Variants in STRBP observed in about 807,000 individuals in gnomAD.
STRBP encodes the protein spermatid perinuclear RNA-binding protein.
A neutral mutation model predicts 80.1 loss-of-function variants in STRBP; 13 were observed. The ratio of observed to expected loss-of-function variants is 0.16; its 90% CI spans 0.11 to 0.26. The LOEUF (loss-of-function observed/expected upper bound fraction) is 0.26, where lower values mean the gene tolerates loss of function less well. Among genes scored for constraint, STRBP ranks in the 10% least tolerant of loss-of-function variants. STRBP has a pLI of 1.00. For missense variants in STRBP, 485 were observed against 815.2 expected (o/e 0.59, Z 4.93); for synonymous variants, 284 against 291.2 (o/e 0.98, Z 0.25).
Position 123,158,436 on chromosome 9 carries a change from C to T in STRBP, c.836-7G>A, listed in dbSNP as rs1164907718. On this transcript the variant is annotated splice_region_variant and splice_polypyrimidine_tract_variant and intron_variant, in intron 9 of 18. Transcript: ENST00000348403. ...TCATGAAGACCAGGACCCCCTTTGG[C>T]AAAGGAAAAACACAAGTATCATTTA... 3 of 1,611,418 alleles carry T rather than the reference C, an allele frequency of 1.9e-6. No individual in the cohort carries two copies. Among genetic ancestry groups the T allele is most frequent in the African/African-American group, 2.7e-5 (2 of 74,490 alleles).
chr9:123,240,663 G>C (rs541127342), intron 1 of STRBP, among the ~76,000 whole-genome samples: 2 of 152,160 alleles, frequency 1.3e-5, no homozygotes, highest in Non-Finnish European at 2.9e-5. Context: ...CCTAGGCTTT[G>C]TTGGCTCTGC....
intron 6 of STRBP, among the ~76,000 whole-genome samples, chr9:123,168,949 A>G (rs567229821): frequency 6.6e-6 from 1 of 152,326 alleles, no homozygotes; most frequent in Non-Finnish European, 1.5e-5. Context: ...TTAACTTCAG[A>G]AGAAAGTTAG....
chr9:123,150,267 T>C (rs1290377721), intron 11 of STRBP, among the ~76,000 whole-genome samples: 2 of 152,140 alleles, frequency 1.3e-5, no homozygotes, highest in Non-Finnish European at 2.9e-5. Context: ...GTGCCATTAA[T>C]TGACAAAATA....
chr9:123,119,060 C>T (rs997705109), downstream of STRBP, among the ~76,000 whole-genome samples: 3 of 152,182 alleles, frequency 2.0e-5, no homozygotes, highest in Non-Finnish European at 4.4e-5. Context: ...AGGGAGGCCT[C>T]ATATGGTGTT....
At chr9:123,128,109 A>C (rs2035968254) in intron 18 of STRBP, 105 bp downstream of exon 18, 1 of 1,394,186 alleles carries the variant, frequency 7.2e-7, no homozygotes, top group Non-Finnish European at 1.0e-6. Context: ...AGAATGAATA[A>C]ATCTGAGATC....
At chr9:123,154,194 A>ACCTAAACGT (rs2132376523) in intron 11 of STRBP, among the ~76,000 whole-genome samples, 1 of 152,302 alleles carries the variant, frequency 6.6e-6, no homozygotes, top group African/African-American at 2.4e-5. Flanking sequence ...AAACTAAAGA[A>ACCTAAACGT]CCTAAACGTC....
At position 123,228,135 on chromosome 9, in the gene STRBP, G is replaced by A. The variant is rs374829359; in HGVS notation, c.-165+8695C>T. Among the ~76,000 whole-genome samples, 12 of 152,314 alleles carry A rather than the reference G, an allele frequency of 7.9e-5. No individual in the cohort carries two copies. In the East Asian group the frequency reaches 1.7e-3, roughly 22 times the overall value. ...TCCATCGGTTTTGGCCTAAACAACC[G>A]GAGGATGGCATTGCCTTGATCAGAG... On this transcript the variant is annotated intron_variant, in intron 2 of 18. Transcript: ENST00000348403.
chr9:123,248,557 A>G (rs965675919), intron 1 of STRBP, among the ~76,000 whole-genome samples: 2 of 152,144 alleles, frequency 1.3e-5, no homozygotes, highest in African/African-American at 4.8e-5. Context: ...GGCATGAGCC[A>G]CCGCGCCCAG....
chr9:123,217,984 G>A (rs1027858924), intron 2 of STRBP, among the ~76,000 whole-genome samples: 2 of 152,084 alleles, frequency 1.3e-5, no homozygotes, highest in African/African-American at 4.8e-5. Flanking sequence ...TATAGTTACG[G>A]TGGAAGCTTA....
intron 3 of STRBP, among the ~76,000 whole-genome samples, chr9:123,182,379 T>C (rs2132461467): frequency 6.6e-6 from 1 of 152,130 alleles, no homozygotes; most frequent in African/African-American, 2.4e-5. Flanking sequence ...ACAAAATTTA[T>C]ACACCAGAAA....
intron 1 of STRBP, among the ~76,000 whole-genome samples, chr9:123,264,157 G>A (rs532419891): frequency 2.0e-3 from 306 of 152,320 alleles, no homozygotes; most frequent in African/African-American, 6.6e-3. Context: ...CCAGCCTGGC[G>A]ACAGAGCGCC....
At chr9:123,172,198 T>C (rs2038041681) in intron 5 of STRBP, among the ~76,000 whole-genome samples, 2 of 152,156 alleles carry the variant, frequency 1.3e-5, no homozygotes, top group South Asian at 2.1e-4. Flanking sequence ...ACAAGATTCA[T>C]GAAAGGAACA....
rs1335657781 is a variant in STRBP at position 123,124,006 on chromosome 9, A to T, written c.*1591T>A. Reference sequence around the variant, plus strand: ...AGGTTTTATTAAAGTATCACCCACCACTAATAAAGACAAAAGACCAAGGAG... The same window carrying T: ...AGGTTTTATTAAAGTATCACCCACCTCTAATAAAGACAAAAGACCAAGGAG... On this transcript the variant is annotated 3_prime_UTR_variant, in exon 19 of 19. Coordinates refer to ENST00000348403, the MANE Select transcript of STRBP (RefSeq NM_018387.5). The T allele has an allele frequency of 1.0e-6, 1 of 985,426 alleles. No homozygotes were observed. The highest frequency in any genetic ancestry group is 1.2e-6 in the Non-Finnish European group (1 of 829,930). The allele number at this position is 985,426 out of a possible 1,614,324, so 61.0% of individuals were successfully genotyped here.
chr9:123,175,063 G>C (rs898448857), intron 4 of STRBP, among the ~76,000 whole-genome samples: 5 of 152,130 alleles, frequency 3.3e-5, no homozygotes, highest in African/African-American at 1.2e-4. Context: ...AGCACAAACA[G>C]GTGTCACATA....
intron 6 of STRBP, among the ~76,000 whole-genome samples, chr9:123,161,760 T>G (rs2037531860): frequency 6.6e-6 from 1 of 152,270 alleles, no homozygotes; most frequent in African/African-American, 2.4e-5. Flanking sequence ...AGAACACTAT[T>G]TAATTATGGC....
chr9:123,151,563 T>G (rs546429803), intron 11 of STRBP, among the ~76,000 whole-genome samples: 1 of 152,250 alleles, frequency 6.6e-6, no homozygotes, highest in Non-Finnish European at 1.5e-5. Context: ...GTCTGCAAAT[T>G]AAGCAATGAC....
chr9:123,253,591 G>A, intron 1 of STRBP, among the ~76,000 whole-genome samples: 1 of 152,316 alleles, frequency 6.6e-6, no homozygotes, highest in East Asian at 1.9e-4. Flanking sequence ...ACTGAACAAG[G>A]CTTCATTTTC....
rs112478835 is a variant in STRBP at position 123,126,104 on chromosome 9, G to A, written c.1943-431C>T. ...GCTCCAGCTGGAGCCATGGCCAGGC[G>A]TTTACTTAACTTCTTAATGGCTATG... On this transcript the variant is annotated intron_variant, in intron 18 of 18. Coordinates refer to ENST00000348403, the MANE Select transcript of STRBP (RefSeq NM_018387.5). The surrounding 1 kb of genome is among the most constrained non-coding windows in gnomAD (Gnocchi z 4.4). 6.6e-5 allele frequency among the ~76,000 whole-genome samples: 10 copies of A among 152,190 alleles called. No individual in the cohort carries two copies. The highest frequency in any genetic ancestry group is 9.7e-5 in the African/African-American group (4 of 41,444).
chr9:123,172,780 G>A (rs1705780005), intron 5 of STRBP, among the ~76,000 whole-genome samples: 1 of 151,476 alleles, frequency 6.6e-6, no homozygotes, highest in South Asian at 2.1e-4. Flanking sequence ...AACAAACTTA[G>A]AATTCATACA....
Sources: gnomAD v4.1 joint callset for allele counts (sites outside exome capture counted in the v4.1 genomes callset) on GRCh38, gnomAD v4.1.1 for gene constraint, Gnocchi (gnomAD v3.1) non-coding constraint, MANE v1.5 for transcripts, NCBI Gene and HGNC (gene_info 2026-07-23, HGNC 2026-07-21) for gene names.